Variants in DCAF5 observed in about 807,000 individuals in gnomAD.
The protein encoded by DCAF5 is DDB1- and CUL4-associated factor 5.
Under a neutral mutation model 80.7 loss-of-function variants are expected in DCAF5, and 9 were observed. The observed-to-expected ratio is 0.11, with a 90% confidence interval of 0.07 to 0.19. The LOEUF is 0.19. Among genes scored for constraint, DCAF5 ranks in the 10% least tolerant of loss-of-function variants. The probability of loss-of-function intolerance (pLI) is 1.00; values close to 1 mark genes in which losing one functional copy is unlikely to be tolerated. For missense variants in DCAF5, 842 were observed against 1,205.7 expected, an observed-to-expected ratio of 0.70 and a Z score of 4.47; for synonymous variants, 433 against 461.9, an observed-to-expected ratio of 0.94 and a Z score of 0.80.
chr14:69,109,584 T>G (rs1240917574), intron 5 of DCAF5, among the ~76,000 whole-genome samples: 2 of 152,220 alleles, frequency 1.3e-5, no homozygotes, highest in Non-Finnish European at 2.9e-5. Context: ...TCTTTTGTAT[T>G]TGAATTCTTT....
chr14:69,107,372 C>T (rs1331932439), intron 5 of DCAF5, among the ~76,000 whole-genome samples: 1 of 152,174 alleles, frequency 6.6e-6, no homozygotes, highest in Non-Finnish European at 1.5e-5. Context: ...TCTTGTAAGA[C>T]CAACAAAATT....
At chr14:69,142,116 GA>G (rs2140116573) in intron 1 of DCAF5, among the ~76,000 whole-genome samples, 1 of 152,246 alleles carries the variant, frequency 6.6e-6, no homozygotes, top group African/African-American at 2.4e-5. Context: ...GCAAAATAGT[GA>G]GATCCTGTCT....
chr14:69,091,081 C>T, intron 6 of DCAF5: 2 of 755,414 alleles, frequency 2.6e-6, no homozygotes, highest in Non-Finnish European at 4.8e-6. Context: ...AAGTCAACAT[C>T]AGCATCTCCA....
At chr14:69,105,311 A>G (rs1259772066) in intron 5 of DCAF5, among the ~76,000 whole-genome samples, 12 of 152,224 alleles carry the variant, frequency 7.9e-5, no homozygotes, top group Admixed American at 6.5e-4. Context: ...ATAATAGAAT[A>G]TTATTTAGCC....
At chr14:69,060,514 A>C (rs1352575494) in intron 8 of DCAF5, among the ~76,000 whole-genome samples, 2 of 151,770 alleles carry the variant, frequency 1.3e-5, no homozygotes, top group African/African-American at 4.8e-5. Context: ...AAAAATACTG[A>C]CCTACATGCC....
Position 69,053,173 on chromosome 14 carries a change from T to G in DCAF5, c.*684A>C, listed in dbSNP as rs1566710763. 1 of 152,282 alleles carries G rather than the reference T, an allele frequency of 6.6e-6. No homozygotes were observed. The highest frequency in any genetic ancestry group is 1.5e-5 in the Non-Finnish European group (1 of 68,052). 9.4% of individuals were successfully genotyped at this position (152,282 alleles called of 1,614,324 possible). On this transcript the variant is annotated 3_prime_UTR_variant, in exon 9 of 9. Transcript: ENST00000341516. ...ATCTATATTCTCTTGAATCTGATCTTAAGTGCTAAACCTCTCATTAGCATT... is the reference window on the plus strand; with the variant it reads ...ATCTATATTCTCTTGAATCTGATCTGAAGTGCTAAACCTCTCATTAGCATT...
Position 69,053,884 on chromosome 14 carries a change from G to T in DCAF5, c.2802C>A (p.Ser934=), listed in dbSNP as rs1479809106. The change falls in exon 9 of 9, where the codon TCC becomes TCA. Residue 934 remains serine, a synonymous_variant. Transcript: ENST00000341516. ...ATGTTTTTAATTTCTTCTCTGAGGA[G>T]GAATTCTCTGAATCTGTATCTTCCA... ...IELEDTDSEN[S]SSEKKLKT 12 of 1,608,358 alleles carry T rather than the reference G, an allele frequency of 7.5e-6. No homozygotes were observed. The highest frequency in any genetic ancestry group is 1.1e-5 in the South Asian group (1 of 89,686).
At chr14:69,086,544 T>A (rs578120442) in intron 6 of DCAF5, among the ~76,000 whole-genome samples, 1 of 151,012 alleles carries the variant, frequency 6.6e-6, no homozygotes, top group Admixed American at 6.6e-5. Context: ...TAAAAGTATA[T>A]CTTTATTTCA....
intron 7 of DCAF5, among the ~76,000 whole-genome samples, chr14:69,065,197 A>G (rs2038388612): frequency 6.8e-6 from 1 of 147,338 alleles, no homozygotes; most frequent in Admixed American, 7.1e-5. Flanking sequence ...TCCCAGGTTC[A>G]AGCAATTCTC....
chr14:69,055,509 C>G lies in DCAF5; in HGVS notation c.1177G>C (p.Val393Leu). Residue 393 changes from valine (V) to leucine (L), a missense_variant, in exon 9 of 9, where the codon GTG becomes CTG. Coordinates refer to ENST00000341516, the MANE Select transcript of DCAF5 (RefSeq NM_003861.3). This position sits in a 1 kb window ranked among gnomAD's most constrained non-coding sequence, Gnocchi z 5.6. ...GACAGGCCACTCCCACTGTTCAGCA[C>G]AAGGCTGATGTACTCTTCATGGGTA... ...LYTHEEYISL[V>L]LNSGSGLSHD... 6.2e-7 allele frequency: 1 copy of G among 1,614,200 alleles called. No individual in the cohort carries two copies. The highest frequency in any genetic ancestry group is 8.5e-7 in the Non-Finnish European group (1 of 1,180,036).
Position 69,053,876 on chromosome 14 carries a change from T to A in DCAF5, c.2810A>T (p.Glu937Val). The A allele has an allele frequency of 1.2e-6, 2 of 1,604,818 alleles. No individual in the cohort carries two copies. The highest frequency in any genetic ancestry group is 4.5e-5 in the East Asian group (2 of 44,854). The change falls in exon 9 of 9, where the codon GAG becomes GTG. Residue 937 changes from glutamate (E) to valine (V), a missense_variant. Glu to Val is a moderately radical substitution (Grantham distance 121). This residue lies in a region of DCAF5 where 607 missense variants were observed against 656.6 expected (regional missense o/e 0.92). Transcript: ENST00000341516. ...EDTDSENSSS[E>V]KKLKT ...TATTTATCATGTTTTTAATTTCTTCTCTGAGGAGGAATTCTCTGAATCTGT... is the reference window on the plus strand; with the variant it reads ...TATTTATCATGTTTTTAATTTCTTCACTGAGGAGGAATTCTCTGAATCTGT...
At position 69,118,380 on chromosome 14, in the gene DCAF5, A is replaced by C. The variant is rs1277947303; in HGVS notation, c.396-102T>G. ...AGGGTGCCATCTTTTCCATTTCTAG[A>C]AGAAAGTCAACCTAGCTAAACCCAA... On this transcript the variant is annotated intron_variant, in intron 3 of 8. Coordinates refer to ENST00000341516, the MANE Select transcript of DCAF5 (RefSeq NM_003861.3). The surrounding 1 kb of genome is among the most constrained non-coding windows in gnomAD (Gnocchi z 4.0). 1 of 1,332,518 alleles carries C rather than the reference A, an allele frequency of 7.5e-7. No homozygotes were observed. Among genetic ancestry groups the C allele is most frequent in the Non-Finnish European group, 1.0e-6 (1 of 998,810 alleles). 82.5% of individuals were successfully genotyped at this position (1,332,518 alleles called of 1,614,324 possible).
intron 7 of DCAF5, among the ~76,000 whole-genome samples, chr14:69,071,781 T>C (rs1296355822): frequency 6.6e-6 from 1 of 152,202 alleles, no homozygotes; most frequent in East Asian, 1.9e-4. Flanking sequence ...AGCCCACAGA[T>C]ATCTTGTTAG....
intron 1 of DCAF5, among the ~76,000 whole-genome samples, chr14:69,143,417 T>C (rs1464523964): frequency 6.6e-6 from 1 of 152,148 alleles, no homozygotes; most frequent in Non-Finnish European, 1.5e-5. Flanking sequence ...TCATATGTAA[T>C]ATAAGGATAA....
At chr14:69,096,303 C>A (rs1365698195) in intron 5 of DCAF5, among the ~76,000 whole-genome samples, 1 of 152,190 alleles carries the variant, frequency 6.6e-6, no homozygotes, top group African/African-American at 2.4e-5. Flanking sequence ...CCAGAACTGT[C>A]GGACAACCAA....
At chr14:69,142,923 G>A (rs1325414956) in intron 1 of DCAF5, among the ~76,000 whole-genome samples, 1 of 152,194 alleles carries the variant, frequency 6.6e-6, no homozygotes, top group South Asian at 2.1e-4. Context: ...GATAACTAGA[G>A]TATACCTACT....
At chr14:69,115,422 G>T (rs560663730) in intron 5 of DCAF5, among the ~76,000 whole-genome samples, 216 of 152,242 alleles carry the variant, frequency 1.4e-3, no homozygotes, top group Middle Eastern at 0.01. Context: ...ATAATCTTCT[G>T]TACTTAACTA....
At position 69,153,108 on chromosome 14, in the gene DCAF5, A is replaced by C. The variant is rs2041759641; in HGVS notation, c.-130T>G. ...GGTTCTTTAACCAGCCATGGCAGGCAGAGCGAGGTGTGCAGACACTCGGCG... is the reference window on the plus strand; with the variant it reads ...GGTTCTTTAACCAGCCATGGCAGGCCGAGCGAGGTGTGCAGACACTCGGCG... On this transcript the variant is annotated 5_prime_UTR_variant, in exon 1 of 9. Coordinates refer to ENST00000341516, the MANE Select transcript of DCAF5 (RefSeq NM_003861.3). 1.4e-6 allele frequency: 1 copy of C among 696,242 alleles called. No homozygotes were observed. Among genetic ancestry groups the C allele is most frequent in the African/African-American group, 1.9e-5 (1 of 51,752 alleles). The allele number at this position is 696,242 out of a possible 1,614,324, so 43.1% of individuals were successfully genotyped here.
intron 5 of DCAF5, 31 bp from the exon 6 acceptor site, chr14:69,091,918 TGA>T: frequency 6.4e-7 from 1 of 1,564,362 alleles, no homozygotes; most frequent in African/African-American, 1.4e-5. Context: ...GAATCAGGCA[TGA>T]GATAGGCTAA....
Sources: allele counts gnomAD v4.1 joint callset (sites outside exome capture counted in the v4.1 genomes callset), GRCh38; gene constraint gnomAD v4.1.1; regional missense constraint gnomAD v4.1.1; non-coding constraint Gnocchi (gnomAD v3.1); transcripts MANE v1.5; gene names NCBI Gene and HGNC (gene_info 2026-07-23, HGNC 2026-07-21).